The following SGCZ variants were observed in gnomAD, a reference collection of about 807,000 sequenced individuals.
The protein encoded by SGCZ is sarcoglycan zeta.
A neutral mutation model predicts 41.3 loss-of-function variants in SGCZ; 40 were observed. The observed-to-expected ratio is 0.97, with a 90% CI of 0.75 to 1.26. The LOEUF (loss-of-function observed/expected upper bound fraction) is 1.26. SGCZ is among the 50% of genes most tolerant of loss of function. SGCZ has a pLI of 0.00. For synonymous variants in SGCZ, 206 were observed against 137.5 expected (o/e 1.50, Z -3.49); for missense variants, 552 against 369.8 (o/e 1.49, Z -4.04).
intron 1 of SGCZ, among the ~76,000 whole-genome samples, chr8:14,657,039 G>T (rs959391381): frequency 1.3e-5 from 2 of 151,786 alleles, no homozygotes; most frequent in African/African-American, 4.8e-5. Flanking sequence ...ATGCAGTGGG[G>T]ATATTATTTA....
At chr8:14,675,985 T>A (rs553731969) in intron 1 of SGCZ, among the ~76,000 whole-genome samples, 1 of 152,084 alleles carries the variant, frequency 6.6e-6, no homozygotes, top group Non-Finnish European at 1.5e-5. Flanking sequence ...TGCAGAGTGG[T>A]TCCTTAAATA....
intron 1 of SGCZ, among the ~76,000 whole-genome samples, chr8:15,219,750 TC>T (rs1801529416): frequency 6.6e-6 from 1 of 152,168 alleles, no homozygotes; most frequent in Non-Finnish European, 1.5e-5. Context: ...TCATTCCCAA[TC>T]ACCTACTCAC....
At chr8:14,702,778 T>TAGATAGATAGAC (rs1403663665) in intron 1 of SGCZ, among the ~76,000 whole-genome samples, 13 of 115,186 alleles carry the variant, frequency 1.1e-4, no homozygotes, top group African/African-American at 3.5e-4. Flanking sequence ...GATAGATAGA[T>TAGATAGATAGAC]AGACAGACAG....
At chr8:14,416,131 G>T (rs375458754) in intron 2 of SGCZ, among the ~76,000 whole-genome samples, 1 of 151,892 alleles carries the variant, frequency 6.6e-6, no homozygotes. Context: ...CTTTAGGCCA[G>T]ATCTTCCAAT....
intron 4 of SGCZ, among the ~76,000 whole-genome samples, chr8:14,231,210 AG>A (rs1806557674): frequency 1.1e-5 from 1 of 89,820 alleles, no homozygotes; most frequent in South Asian, 3.7e-4. Flanking sequence ...GGGGAGAGAG[AG>A]GGGGAAAGAG....
chr8:14,863,145 G>A (rs778665860), intron 1 of SGCZ, among the ~76,000 whole-genome samples: 20 of 152,132 alleles, frequency 1.3e-4, no homozygotes, highest in Non-Finnish European at 2.6e-4. Flanking sequence ...GGAATGGGCA[G>A]TGCAGGGCTT....
intron 1 of SGCZ, among the ~76,000 whole-genome samples, chr8:14,811,106 C>G (rs1376942894): frequency 6.6e-6 from 1 of 151,908 alleles, no homozygotes; most frequent in African/African-American, 2.4e-5. Context: ...TCAGGATTTT[C>G]TGTAAGAAAT....
At chr8:14,431,642 C>T (rs1799944762) in intron 2 of SGCZ, among the ~76,000 whole-genome samples, 1 of 152,140 alleles carries the variant, frequency 6.6e-6, no homozygotes, top group African/African-American at 2.4e-5. Context: ...AATTTCATGA[C>T]AAAGAACCCA....
intron 4 of SGCZ, among the ~76,000 whole-genome samples, chr8:14,176,913 T>C (rs970842659): frequency 1.8e-4 from 27 of 152,206 alleles, no homozygotes; most frequent in Non-Finnish European, 3.5e-4. Flanking sequence ...GTGCCTTGTA[T>C]GTAAGTCCTA....
chr8:15,187,573 T>C (rs995235516), intron 1 of SGCZ, among the ~76,000 whole-genome samples: 4 of 152,084 alleles, frequency 2.6e-5, no homozygotes, highest in Admixed American at 1.3e-4. Flanking sequence ...CAGTGCTTCA[T>C]AGTGAGGAAA....
chr8:15,094,047 A>T (rs1002902241), intron 1 of SGCZ, among the ~76,000 whole-genome samples: 1 of 152,214 alleles, frequency 6.6e-6, no homozygotes, highest in Non-Finnish European at 1.5e-5. Flanking sequence ...TAATTGAATG[A>T]TACATCTAAA....
At chr8:14,146,498 G>A (rs1803524395) in intron 5 of SGCZ, among the ~76,000 whole-genome samples, 1 of 151,988 alleles carries the variant, frequency 6.6e-6, no homozygotes, top group Admixed American at 6.6e-5. Flanking sequence ...TCATCTAAAG[G>A]TATACAACTC....
At chr8:14,481,068 A>T (rs1801521919) in intron 2 of SGCZ, among the ~76,000 whole-genome samples, 1 of 152,300 alleles carries the variant, frequency 6.6e-6, no homozygotes, top group East Asian at 1.9e-4. Context: ...AATATAATCA[A>T]CATATAAACA....
intron 1 of SGCZ, among the ~76,000 whole-genome samples, chr8:14,978,368 G>A (rs1417663036): frequency 2.4e-5 from 3 of 125,362 alleles, no homozygotes; most frequent in Non-Finnish European, 4.8e-5. Flanking sequence ...CTACTTGGGA[G>A]GCTGAGGCAG....
At chr8:14,995,912 C>CT (rs905618496) in intron 1 of SGCZ, among the ~76,000 whole-genome samples, 29 of 151,060 alleles carry the variant, frequency 1.9e-4, no homozygotes, top group African/African-American at 6.1e-4. Flanking sequence ...ATTTTCTTTG[C>CT]TTTTTTTTTG....
intron 1 of SGCZ, among the ~76,000 whole-genome samples, chr8:14,653,758 C>T (rs1807475352): frequency 6.6e-6 from 1 of 152,068 alleles, no homozygotes. Flanking sequence ...ATTGGCAATA[C>T]ATGCTAGAAA....
intron 1 of SGCZ, among the ~76,000 whole-genome samples, chr8:14,701,170 T>A (rs1156384772): frequency 6.6e-6 from 1 of 151,846 alleles, no homozygotes; most frequent in African/African-American, 2.4e-5. Context: ...AGAAACTAAA[T>A]GGAAATTAAA....
intron 1 of SGCZ, among the ~76,000 whole-genome samples, chr8:14,919,513 T>G (rs145497017): frequency 1.3e-5 from 2 of 152,322 alleles, no homozygotes; most frequent in African/African-American, 4.8e-5. Context: ...GCTCTCGTCT[T>G]GAAGAGCACA....
intron 1 of SGCZ, among the ~76,000 whole-genome samples, chr8:14,925,050 G>T (rs1007246937): frequency 6.6e-6 from 1 of 151,856 alleles, no homozygotes; most frequent in Non-Finnish European, 1.5e-5. Context: ...TAGAGCCAGG[G>T]TTTCACCGTG....
Sources: allele counts gnomAD v4.1 joint callset (sites outside exome capture counted in the v4.1 genomes callset), GRCh38; gene constraint gnomAD v4.1.1; transcripts MANE v1.5; gene names NCBI Gene and HGNC (gene_info 2026-07-23, HGNC 2026-07-21).